The following PAX7 variants were observed in gnomAD, a reference collection of about 807,000 sequenced individuals.
The protein encoded by PAX7 is paired box 7, also known as paired box protein Pax-7.
A neutral mutation model predicts 50.7 loss-of-function variants in PAX7; 18 were observed. The ratio of observed to expected loss-of-function variants is 0.36; its 90% CI spans 0.25 to 0.53. The LOEUF (loss-of-function observed/expected upper bound fraction) is 0.53. Ranked by LOEUF, PAX7 falls within the 20% of genes least tolerant of loss-of-function variation. The probability of loss-of-function intolerance (pLI) is 0.93; values close to 1 mark genes in which losing one functional copy is unlikely to be tolerated. For missense variants in PAX7, 644 were observed against 702.9 expected, an observed-to-expected ratio of 0.92 and a Z score of 0.95; for synonymous variants, 310 against 290.4, an observed-to-expected ratio of 1.07 and a Z score of -0.69.
chr1:18,704,845 A>C (rs1485029877), intron 7 of PAX7, among the ~76,000 whole-genome samples: 1 of 152,066 alleles, frequency 6.6e-6, no homozygotes, highest in Non-Finnish European at 1.5e-5. Context: ...TTATGGGAAA[A>C]CCCTTGAGTA....
rs1007501850 is a variant in PAX7, at chr1:18,748,257, T to C, written c.*3328T>C. On this transcript the variant is annotated 3_prime_UTR_variant, in exon 9 of 9. Coordinates refer to ENST00000420770, the MANE Select transcript of PAX7 (RefSeq NM_001135254.2). ...CAGAATCCAGTGTTTCAAGATGGAGTTGGTGAAGCATCCAAGATTTTGGAT... is the reference window on the plus strand; with the variant it reads ...CAGAATCCAGTGTTTCAAGATGGAGCTGGTGAAGCATCCAAGATTTTGGAT... 1 of 226,992 alleles carries C rather than the reference T, an allele frequency of 4.4e-6. No homozygotes were observed. Among genetic ancestry groups the C allele is most frequent in the Non-Finnish European group, 8.7e-6 (1 of 114,296 alleles). 14.1% of individuals were successfully genotyped at this position (226,992 alleles called of 1,614,324 possible).
At chr1:18,641,756 T>C (rs925796334) in intron 4 of PAX7, among the ~76,000 whole-genome samples, 1 of 151,978 alleles carries the variant, frequency 6.6e-6, no homozygotes, top group Admixed American at 6.6e-5. Context: ...GGAGGGGAGA[T>C]TTACCAGACA....
chr1:18,725,551 G>C (rs946622127), intron 7 of PAX7, among the ~76,000 whole-genome samples: 3 of 152,228 alleles, frequency 2.0e-5, no homozygotes, highest in African/African-American at 7.2e-5. Context: ...AGCAGGGAAG[G>C]GAGGGGGAGG....
At chr1:18,642,967 CG>C (rs914701238) in intron 4 of PAX7, among the ~76,000 whole-genome samples, 2 of 44,594 alleles carry the variant, frequency 4.5e-5, no homozygotes, top group Non-Finnish European at 8.9e-5. Flanking sequence ...AAAGGGGAGG[CG>C]GGGGCCAAAG....
chr1:18,679,070 A>C, intron 4 of PAX7, among the ~76,000 whole-genome samples: 1 of 152,146 alleles, frequency 6.6e-6, no homozygotes. Flanking sequence ...GTGCTTCGTA[A>C]GGTCAAAGCA....
At chr1:18,633,300 T>G (rs765905231) in intron 1 of PAX7, among the ~76,000 whole-genome samples, 5 of 152,134 alleles carry the variant, frequency 3.3e-5, no homozygotes, top group Non-Finnish European at 5.9e-5. Flanking sequence ...AGCCGCTGAG[T>G]CCCCAAATTG....
At chr1:18,725,893 G>A (rs1424500905) in intron 7 of PAX7, among the ~76,000 whole-genome samples, 2 of 152,216 alleles carry the variant, frequency 1.3e-5, no homozygotes, top group East Asian at 3.9e-4. Context: ...GGGATGAGGG[G>A]CAAAGCCTCC....
intron 5 of PAX7, among the ~76,000 whole-genome samples, chr1:18,694,711 A>T (rs1176522019): frequency 6.6e-6 from 1 of 152,112 alleles, no homozygotes; most frequent in Non-Finnish European, 1.5e-5. Flanking sequence ...CACCTTCAAC[A>T]GGTCAATTTC....
intron 7 of PAX7, among the ~76,000 whole-genome samples, chr1:18,727,469 C>T (rs181507881): frequency 6.6e-6 from 1 of 151,610 alleles, no homozygotes; most frequent in East Asian, 1.9e-4. Context: ...AAGGCCACAG[C>T]CAGGCACAAG....
intron 4 of PAX7, among the ~76,000 whole-genome samples, chr1:18,650,376 G>A (rs543118129): frequency 5.9e-5 from 9 of 152,364 alleles, no homozygotes; most frequent in African/African-American, 2.2e-4. Context: ...TGTGTGACCA[G>A]AAAGCAGTTA....
At chr1:18,682,806 G>A (rs912688852) in intron 4 of PAX7, among the ~76,000 whole-genome samples, 2 of 152,200 alleles carry the variant, frequency 1.3e-5, no homozygotes, top group Non-Finnish European at 2.9e-5. Context: ...CTGCCGGGCT[G>A]TGGGGGCGGG....
intron 7 of PAX7, 87 bp downstream of exon 7, chr1:18,703,383 CT>C (rs981949028): frequency 1.6e-6 from 2 of 1,226,328 alleles, no homozygotes; most frequent in African/African-American, 1.5e-5. Context: ...GCCTTGCGCT[CT>C]TTCCTGTAGC....
chr1:18,703,318 C>A lies in PAX7; in HGVS notation c.1155+22C>A, dbSNP rs1570196700. ...TCAGGTAGGTGGTCTCAGCCCAGCA[C>A]CCAGGATCCCACCGCCACGAAAGTC... On this transcript the variant is annotated intron_variant, in intron 7 of 8. Coordinates refer to ENST00000420770, the MANE Select transcript of PAX7 (RefSeq NM_001135254.2). 5 of 1,604,230 alleles carry A rather than the reference C, an allele frequency of 3.1e-6. No individual in the cohort carries two copies. The Admixed American group carries it at 8.3e-5, about 27-fold the overall frequency.
chr1:18,732,018 C>T (rs993965750), intron 7 of PAX7, among the ~76,000 whole-genome samples: 6 of 152,150 alleles, frequency 3.9e-5, no homozygotes, highest in African/African-American at 1.4e-4. Context: ...TGATTCAGCC[C>T]CCTCAGCCCC....
At chr1:18,646,858 G>A (rs1236265759) in intron 4 of PAX7, among the ~76,000 whole-genome samples, 1 of 150,772 alleles carries the variant, frequency 6.6e-6, no homozygotes, top group Non-Finnish European at 1.5e-5. Context: ...ATTATCCCGA[G>A]AAGAAAACCG....
At chr1:18,709,750 C>A (rs1184012885) in intron 7 of PAX7, among the ~76,000 whole-genome samples, 1 of 152,190 alleles carries the variant, frequency 6.6e-6, no homozygotes, top group Non-Finnish European at 1.5e-5. Context: ...TAGGATCTGG[C>A]AAGTGGCAGA....
intron 4 of PAX7, among the ~76,000 whole-genome samples, chr1:18,682,070 G>T (rs896889811): frequency 6.6e-6 from 1 of 152,140 alleles, no homozygotes; most frequent in Admixed American, 6.6e-5. Flanking sequence ...GCCTGGTGGG[G>T]TTCGATGGGA....
At chr1:18,738,124 C>T (rs1244781244) in intron 8 of PAX7, among the ~76,000 whole-genome samples, 1 of 151,866 alleles carries the variant, frequency 6.6e-6, no homozygotes, top group Non-Finnish European at 1.5e-5. Context: ...TAGACATACA[C>T]TGTGTCTGTG....
At chr1:18,744,236 G>A (rs538700852) in intron 8 of PAX7, among the ~76,000 whole-genome samples, 27 of 152,132 alleles carry the variant, frequency 1.8e-4, no homozygotes, top group Non-Finnish European at 2.9e-4. Context: ...GGATTCACAG[G>A]GCCTTCTCCA....
Sources: gnomAD v4.1 joint callset for allele counts (sites outside exome capture counted in the v4.1 genomes callset) on GRCh38, gnomAD v4.1.1 for gene constraint, MANE v1.5 for transcripts, NCBI Gene and HGNC (gene_info 2026-07-23, HGNC 2026-07-21) for gene names.